The following HSPG2 variants were observed in gnomAD, a reference collection of about 807,000 sequenced individuals.
The protein encoded by HSPG2 is basement membrane-specific heparan sulfate proteoglycan core protein.
HSPG2 carries 278 observed loss-of-function variants against 526.6 expected under a neutral mutation model. That is an observed-to-expected ratio of 0.53 (90% CI 0.48 to 0.58). HSPG2 has a LOEUF of 0.58. HSPG2 is among the 20% of genes least tolerant of loss of function. The pLI is 0.00. For synonymous variants in HSPG2, 2,465 were observed against 2,555.4 expected (o/e 0.96, Z 1.07); for missense variants, 5,354 against 6,099.5 (o/e 0.88, Z 4.07).
At position 21,839,084 on chromosome 1, in the gene HSPG2, G is replaced by C; in HGVS notation, c.9891C>G (p.Ser3297Arg). 6.3e-7 allele frequency: 1 copy of C among 1,577,698 alleles called. No homozygotes were observed. The highest frequency in any genetic ancestry group is 1.7e-4 in the Middle Eastern group (1 of 5,848). ...AEATIILHVESPPYATTVPEH... is the reference protein window; with the variant it reads ...AEATIILHVERPPYATTVPEH... ...CTGGGACCGTGGTGGCATATGGTGG[G>C]CCTGAGTGGGGGGACACAGAGGTCA... The change falls in exon 74 of 97, where the codon AGC (serine) becomes AGG (arginine). Residue 3297 changes from serine to arginine, a missense_variant and splice_region_variant. By Grantham distance (110) the Ser-to-Arg change is moderately radical. Transcript: ENST00000374695. The surrounding 1 kb of genome is among the most constrained non-coding windows in gnomAD (Gnocchi z 4.5).
Position 21,873,933 on chromosome 1 carries a change from G to A in HSPG2, c.3735C>T (p.His1245=). Residue 1245 remains histidine, a synonymous_variant, in exon 29 of 97, where the codon CAC becomes CAT. Coordinates refer to ENST00000374695, the MANE Select transcript of HSPG2 (RefSeq NM_005529.7). ...DACSPGHSGR[H]CERCAPGYYG... Reference sequence around the variant, plus strand: ...TCCACCCCCTGCCTCACCTCTCACAGTGACGCCCACTGTGGCCTGGGGAGC... The same window carrying A: ...TCCACCCCCTGCCTCACCTCTCACAATGACGCCCACTGTGGCCTGGGGAGC... 6.3e-7 allele frequency: 1 copy of A among 1,591,410 alleles called. No homozygotes were observed. Among genetic ancestry groups the A allele is most frequent in the Non-Finnish European group, 8.6e-7 (1 of 1,168,402 alleles).
chr1:21,834,883 C>G lies in HSPG2; in HGVS notation c.10516G>C (p.Val3506Leu). Residue 3506 changes from valine to leucine, a missense_variant, in exon 77 of 97, where the codon GTG (valine) becomes CTG (leucine). Transcript: ENST00000374695. Reference protein sequence around the residue: ...SVQTVVVGHAVEFECLALGDP... With the variant: ...SVQTVVVGHALEFECLALGDP... ...CCCAGTGCCAGGCATTCGAACTCCACGGCGTGGCCAACCACCACGGTCTGC... is the reference window on the plus strand; with the variant it reads ...CCCAGTGCCAGGCATTCGAACTCCAGGGCGTGGCCAACCACCACGGTCTGC... 6.2e-7 allele frequency: 1 copy of G among 1,613,582 alleles called. No individual in the cohort carries two copies. The highest frequency in any genetic ancestry group is 8.5e-7 in the Non-Finnish European group (1 of 1,179,642).
chr1:21,846,288 A>G (rs1006693562), intron 63 of HSPG2, 33 bp from the exon 64 acceptor site: 1 of 1,612,742 alleles, frequency 6.2e-7, no homozygotes, highest in Non-Finnish European at 8.5e-7. Context: ...GAACAGAGTC[A>G]GGTGCCAGTC....
intron 21 of HSPG2, among the ~76,000 whole-genome samples, chr1:21,877,946 G>C (rs1182746882): frequency 6.6e-6 from 1 of 152,242 alleles, no homozygotes; most frequent in Non-Finnish European, 1.5e-5. Flanking sequence ...AGATACAAAG[G>C]CTGCATAAAG....
At chr1:21,908,149 C>A in intron 1 of HSPG2, 2 of 835,188 alleles carry the variant, frequency 2.4e-6, no homozygotes, top group Non-Finnish European at 4.1e-6. Context: ...GTTCTCCAGG[C>A]CTTTTAGAAA....
chr1:21,873,114 C>A, intron 30 of HSPG2, 23 bp from the exon 31 acceptor site: 1 of 1,588,298 alleles, frequency 6.3e-7, no homozygotes. Flanking sequence ...AAAGCCATGG[C>A]TGGAGCCCCA....
intron 1 of HSPG2, chr1:21,908,538 G>A (rs939659551): frequency 1.1e-6 from 1 of 949,720 alleles, no homozygotes; most frequent in Non-Finnish European, 1.7e-6. Context: ...ATGGGAAGGA[G>A]CCTGAGCTGC....
chr1:21,841,266 C>G lies in HSPG2; in HGVS notation c.9348G>C (p.Val3116=). Residue 3116 remains valine, a synonymous_variant, in exon 71 of 97, where the codon GTG becomes GTC. Transcript: ENST00000374695. Reference sequence around the variant, plus strand: ...TCACCCACACGGGGCCCTCGGGGAGCACGGACACTGTAGGGGGCCCTGTGC... The same window carrying G: ...TCACCCACACGGGGCCCTCGGGGAGGACGGACACTGTAGGGGGCCCTGTGC... ...LSVHGPPTVS[V]LPEGPVWVKV... is the part of the protein sequence containing the mutation. 6.2e-7 allele frequency: 1 copy of G among 1,613,820 alleles called. No homozygotes were observed. Among genetic ancestry groups the G allele is most frequent in the Non-Finnish European group, 8.5e-7 (1 of 1,180,032 alleles).
rs576114245 is a variant in HSPG2, at chr1:21,865,592, C to T, written c.4314+125G>A. On this transcript the variant is annotated intron_variant, in intron 34 of 96. Coordinates refer to ENST00000374695, the MANE Select transcript of HSPG2 (RefSeq NM_005529.7). This position sits in a 1 kb window ranked among gnomAD's most constrained non-coding sequence, Gnocchi z 5.4. ...CAGGCAGGGATGTGGGGGCATGGGC[C>T]TAACTCCCCCAGCCTGTGCCAGAAA... The T allele has an allele frequency of 1.3e-5, 12 of 941,846 alleles. No homozygotes were observed. In the East Asian group the frequency reaches 2.6e-4, roughly 21 times the overall value. The allele number at this position is 941,846 out of a possible 1,614,324, so 58.3% of individuals were successfully genotyped here. A position where few individuals can be genotyped will look rare whatever the true frequency, so the allele number is the denominator to read the frequency against.
rs1638232581 is a variant in HSPG2, at chr1:21,844,144, T to C, written c.8616+4A>G. The C allele has an allele frequency of 6.2e-7, 1 of 1,612,790 alleles. No homozygotes were observed. Among genetic ancestry groups the C allele is most frequent in the South Asian group, 1.1e-5 (1 of 91,036 alleles). ...ATGCATGCATCCTTCTCCAGCTCCTTTACCTGGTGCCGGGCAGGGAGGTTT... is the reference window on the plus strand; with the variant it reads ...ATGCATGCATCCTTCTCCAGCTCCTCTACCTGGTGCCGGGCAGGGAGGTTT... On this transcript the variant is annotated splice_donor_region_variant and intron_variant, in intron 65 of 96. Transcript: ENST00000374695.
At chr1:21,854,792 C>A (rs1557723918) in intron 48 of HSPG2, 27 bp from the exon 49 acceptor site, 1 of 1,613,090 alleles carries the variant, frequency 6.2e-7, no homozygotes, top group Non-Finnish European at 8.5e-7. Context: ...GGTCAGCAGG[C>A]CCCAGGGGAG....
chr1:21,839,359 A>T lies in HSPG2; in HGVS notation c.9889+12T>A. 6.2e-7 allele frequency: 1 copy of T among 1,609,786 alleles called. No homozygotes were observed. Among genetic ancestry groups the T allele is most frequent in the Non-Finnish European group, 8.5e-7 (1 of 1,179,650 alleles). On this transcript the variant is annotated intron_variant, in intron 73 of 96. Transcript: ENST00000374695. The surrounding 1 kb of genome is among the most constrained non-coding windows in gnomAD (Gnocchi z 4.5). ...TCCATTTGGTGCAGACAAAGAAGGG[A>T]TGAGGCCTTACTCTCCACGTGCAGG...
In HSPG2 at chr1:21,846,154, G is replaced by C; in HGVS notation, c.8418C>G (p.Val2806=). The change falls in exon 64 of 97, where the codon GTC becomes GTG. Residue 2806 remains valine (V), a synonymous_variant. Transcript: ENST00000374695. The part of the protein sequence containing the change: ...MGSSGPLEAS[V]LVTIEASGSS... ...AGCCAGAGGCTTCGATGGTGACCAG[G>C]ACTGAGGCCTCCAGGGGGCCAGAGC... is the stretch of plus-strand genomic sequence containing the variant. 6.2e-7 allele frequency: 1 copy of C among 1,613,128 alleles called. No individual in the cohort carries two copies. Among genetic ancestry groups the C allele is most frequent in the Non-Finnish European group, 8.5e-7 (1 of 1,180,028 alleles).
Position 21,855,906 on chromosome 1 carries a change from C to A in HSPG2, c.5582G>T (p.Gly1861Val), listed in dbSNP as rs1007869700. ...GGAGACCACGGGGGCGGACAAGGTG[C>A]CCGAGGCTGACAAGGGAGGAAAAGG... is the stretch of plus-strand genomic sequence containing the variant. ...GTATLHVQAS[G>V]TLSAPVVSIH... is the part of the protein sequence containing the mutation. The change falls in exon 45 of 97, where the codon GGC becomes GTC. Residue 1861 changes from glycine (G) to valine (V), a missense_variant. Coordinates refer to ENST00000374695, the MANE Select transcript of HSPG2 (RefSeq NM_005529.7). The A allele has an allele frequency of 3.7e-6, 6 of 1,609,408 alleles. No individual in the cohort carries two copies. Among genetic ancestry groups the A allele is most frequent in the Non-Finnish European group, 4.2e-6 (5 of 1,179,954 alleles).
At chr1:21,921,456 C>T (rs748444953) in intron 1 of HSPG2, among the ~76,000 whole-genome samples, 1 of 152,180 alleles carries the variant, frequency 6.6e-6, no homozygotes, top group African/African-American at 2.4e-5. Context: ...AGACTGTCTC[C>T]GGGACCCCAG....
chr1:21,868,477 A>G (rs1192487529), intron 33 of HSPG2, among the ~76,000 whole-genome samples: 1 of 152,218 alleles, frequency 6.6e-6, no homozygotes, highest in Non-Finnish European at 1.5e-5. Flanking sequence ...AATGGGATGG[A>G]CAGGGAGCTC....
At chr1:21,850,642 C>G in intron 55 of HSPG2, 144 bp from the exon 56 acceptor site, 1 of 978,668 alleles carries the variant, frequency 1.0e-6, no homozygotes, top group East Asian at 2.7e-5. Flanking sequence ...AAGGGGGACT[C>G]TTGTCCAGCA....
Position 21,876,494 on chromosome 1 carries a change from C to T in HSPG2, c.2826+18G>A, listed in dbSNP as rs1183982301. The T allele has an allele frequency of 6.2e-7, 1 of 1,613,864 alleles. No individual in the cohort carries two copies. Among genetic ancestry groups the T allele is most frequent in the South Asian group, 1.1e-5 (1 of 91,040 alleles). Reference sequence around the variant, plus strand: ...GCCCAGGGCTTGGCGGTCCTGCCCGCCCACCTTGCAGAGGTACCTGGGCAC... The same window carrying T: ...GCCCAGGGCTTGGCGGTCCTGCCCGTCCACCTTGCAGAGGTACCTGGGCAC... On this transcript the variant is annotated intron_variant, in intron 22 of 96. Coordinates refer to ENST00000374695, the MANE Select transcript of HSPG2 (RefSeq NM_005529.7).
rs115600691 is a variant in HSPG2, at chr1:21,883,641, T to C, written c.1654+887A>G. Among the ~76,000 whole-genome samples, 1,247 of 152,326 alleles carry C rather than the reference T, an allele frequency of 8.2e-3. 12 individuals carry two copies. Among genetic ancestry groups the C allele is most frequent in the Non-Finnish European group, 0.011 (736 of 68,026 alleles). ...TGCCTGGCCAGGTAACTAAGTTTTA[T>C]ACAAGTCATTTTTAGGTTCCTCAAC... is the stretch of plus-strand genomic sequence containing the variant. On this transcript the variant is annotated intron_variant, in intron 13 of 96. Coordinates refer to ENST00000374695, the MANE Select transcript of HSPG2 (RefSeq NM_005529.7).
Sources: gnomAD v4.1 joint callset for allele counts (sites outside exome capture counted in the v4.1 genomes callset) on GRCh38, gnomAD v4.1.1 for gene constraint, Gnocchi (gnomAD v3.1) non-coding constraint, MANE v1.5 for transcripts, NCBI Gene and HGNC (gene_info 2026-07-23, HGNC 2026-07-21) for gene names.